Variants in MSL1 observed in about 807,000 individuals in gnomAD.
MSL1 encodes the protein MSL complex subunit 1, also known as male-specific lethal 1 homolog.
In MSL1, 21 loss-of-function variants were observed where a neutral mutation model predicts 64.6. The ratio of observed to expected loss-of-function variants is 0.33; its 90% CI spans 0.23 to 0.47. The LOEUF (loss-of-function observed/expected upper bound fraction) is 0.47, where lower values mean the gene tolerates loss of function less well. MSL1 is among the 20% of genes least tolerant of loss of function. The probability of loss-of-function intolerance (pLI) is 1.00; values close to 1 mark genes in which losing one functional copy is unlikely to be tolerated. For missense variants in MSL1, 664 were observed against 793.2 expected, an observed-to-expected ratio of 0.84 and a Z score of 1.96; for synonymous variants, 339 against 329.6, an observed-to-expected ratio of 1.03 and a Z score of -0.31.
Position 40,133,896 on chromosome 17 carries a change from C to T in MSL1, c.1751C>T (p.Pro584Leu). 6.2e-7 allele frequency: 1 copy of T among 1,613,194 alleles called. No individual in the cohort carries two copies. The highest frequency in any genetic ancestry group is 1.1e-5 in the South Asian group (1 of 91,080). ...GGACGACCATTACCAAAATTAACTC[C>T]ACAGTAAGTATACATTTTTTTTCTC... ...AFGRPLPKLT[P>L]QNFELPWLDE... Residue 584 changes from proline (P) to leucine (L), a missense_variant, in exon 8 of 9, where the codon CCA becomes CTA. Pro to Leu is a moderately conservative substitution (Grantham distance 98). Transcript: ENST00000398532.
chr17:40,129,467 G>A lies in MSL1; in HGVS notation c.1215G>A (p.Lys405=). 6.2e-7 allele frequency: 1 copy of A among 1,613,686 alleles called. No homozygotes were observed. Among genetic ancestry groups the A allele is most frequent in the Middle Eastern group, 1.6e-4 (1 of 6,062 alleles). ...DTPPRLSTPQ[K]GPSTHPKEKA... ...CACCAAGACTCTCCACTCCCCAAAAGGGACCCAGCACCCATCCCAAGGAGA... is the reference window on the plus strand; with the variant it reads ...CACCAAGACTCTCCACTCCCCAAAAAGGACCCAGCACCCATCCCAAGGAGA... The change falls in exon 3 of 9, where the codon AAG becomes AAA. Residue 405 remains lysine (K), a synonymous_variant. Coordinates refer to ENST00000398532, the MANE Select transcript of MSL1 (RefSeq NM_001365919.1).
At position 40,134,280 on chromosome 17, in the gene MSL1, A is replaced by C; in HGVS notation, c.1756A>C (p.Asn586His). 1 of 1,553,272 alleles carries C rather than the reference A, an allele frequency of 6.4e-7. No individual in the cohort carries two copies. The highest frequency in any genetic ancestry group is 8.7e-7 in the Non-Finnish European group (1 of 1,148,088). Residue 586 changes from asparagine (N) to histidine (H), a missense_variant and splice_region_variant, in exon 9 of 9, where the codon AAT (asparagine) becomes CAT (histidine). Physicochemically the swap from Asn to His is moderately conservative, Grantham distance 68. Around this residue, in one of 4 missense-constraint regions of MSL1, gnomAD observed 76 missense variants for 98.5 expected, o/e 0.77. Transcript: ENST00000398532. ...GRPLPKLTPQNFELPWLDERS... is the reference protein window; with the variant it reads ...GRPLPKLTPQHFELPWLDERS... ...GATTTCCTCATCCTTTTTTGCCAGG[A>C]ATTTTGAGCTACCCTGGTTGGATGA...
rs1429968042 is a variant in MSL1 at position 40,131,250 on chromosome 17, A to G, written c.1376-287A>G. 1 of 305,262 alleles carries G rather than the reference A, an allele frequency of 3.3e-6. No homozygotes were observed. The highest frequency in any genetic ancestry group is 6.2e-6 in the Non-Finnish European group (1 of 160,886). The allele number at this position is 305,262 out of a possible 1,614,324, so 18.9% of individuals were successfully genotyped here. A position where few individuals can be genotyped will look rare whatever the true frequency, so the allele number is the denominator to read the frequency against. On this transcript the variant is annotated intron_variant, in intron 3 of 8. Coordinates refer to ENST00000398532, the MANE Select transcript of MSL1 (RefSeq NM_001365919.1). The surrounding 1 kb of genome is among the most constrained non-coding windows in gnomAD (Gnocchi z 4.5). ...ACTTTTACTCACCTGCCATGTTCTGAGTTTAAGGTTTGATATCCTTGGCCA... is the reference window on the plus strand; with the variant it reads ...ACTTTTACTCACCTGCCATGTTCTGGGTTTAAGGTTTGATATCCTTGGCCA...
At position 40,123,190 on chromosome 17, in the gene MSL1, C is replaced by T; in HGVS notation, c.578C>T (p.Ala193Val). The change falls in exon 1 of 9, where the codon GCG becomes GTG. Residue 193 changes from alanine (A) to valine (V), a missense_variant. This residue lies in a region of MSL1 where 466 missense variants were observed against 499.0 expected (regional missense o/e 0.93). Transcript: ENST00000398532. ...CCCACCGCCACCGCCGGGACCCTGG[C>T]GGCCAGCGAGGGCAGATGGAAGAGT... is the stretch of plus-strand genomic sequence containing the variant. ...LAPTATAGTLAASEGRWKSMR... is the reference protein window; with the variant it reads ...LAPTATAGTLVASEGRWKSMR... 1.3e-6 allele frequency: 2 copies of T among 1,535,352 alleles called. No individual in the cohort carries two copies. Among genetic ancestry groups the T allele is most frequent in the South Asian group, 1.2e-5 (1 of 84,056 alleles).
intron 2 of MSL1, 62 bp downstream of exon 2, chr17:40,126,468 G>A: frequency 3.4e-6 from 5 of 1,459,734 alleles, no homozygotes; most frequent in Non-Finnish European, 4.8e-6. Flanking sequence ...TAGGAGATTG[G>A]GATTTATGAA....
At chr17:40,128,133 T>G (rs77167910) in intron 2 of MSL1, among the ~76,000 whole-genome samples, 4,921 of 151,744 alleles carry the variant, frequency 0.032, 269 homozygotes, top group African/African-American at 0.11. Context: ...GTATTAAAAT[T>G]TAGGTTGGTA....
In MSL1 at chr17:40,123,392, G is replaced by T. The variant is rs1414761191; in HGVS notation, c.768+12G>T. The T allele has an allele frequency of 6.5e-7, 1 of 1,535,034 alleles. No individual in the cohort carries two copies. Among genetic ancestry groups the T allele is most frequent in the East Asian group, 2.4e-5 (1 of 40,904 alleles). ...CAGAGAGAGACACGGTACGGGAGGG[G>T]TTAATCTGCATTCGGGCCGAGGAGC... On this transcript the variant is annotated intron_variant, in intron 1 of 8. Transcript: ENST00000398532.
intron 2 of MSL1, among the ~76,000 whole-genome samples, chr17:40,127,052 A>T (rs1988333815): frequency 6.6e-6 from 1 of 151,910 alleles, no homozygotes; most frequent in Admixed American, 6.6e-5. Flanking sequence ...AAAGTAAAAT[A>T]CAGGCCAGGC....
At position 40,131,560 on chromosome 17, in the gene MSL1, G is replaced by C. The variant is rs1186773516; in HGVS notation, c.1399G>C (p.Ala467Pro). ...VARCLMPSSV[A>P]GETSVLAVPS... ...AGGGTGTCTGATGCCATCAAGTGTT[G>C]CAGGAGAAACTTCAGTCTTGGCTGG... is the stretch of plus-strand genomic sequence containing the variant. Residue 467 changes from alanine (A) to proline (P), a missense_variant, in exon 4 of 9, where the codon GCA becomes CCA. Transcript: ENST00000398532. This position sits in a 1 kb window ranked among gnomAD's most constrained non-coding sequence, Gnocchi z 4.5. 6.2e-6 allele frequency: 10 copies of C among 1,613,674 alleles called. No individual in the cohort carries two copies. In the East Asian group the frequency reaches 2.2e-4, roughly 36 times the overall value.
intron 1 of MSL1, among the ~76,000 whole-genome samples, chr17:40,125,148 A>G (rs1292886605): frequency 6.6e-6 from 1 of 152,228 alleles, no homozygotes; most frequent in East Asian, 1.9e-4. Flanking sequence ...AAAGTTTTCA[A>G]TACTAATAGA....
intron 1 of MSL1, among the ~76,000 whole-genome samples, chr17:40,125,932 A>C (rs1344562761): frequency 1.3e-5 from 2 of 152,238 alleles, no homozygotes; most frequent in Non-Finnish European, 2.9e-5. Context: ...ATCTCCCTAC[A>C]GAAGAATGAA....
At position 40,122,267 on chromosome 17, in the gene MSL1, C is replaced by A. The variant is rs1192559282; in HGVS notation, c.-346C>A. 2 of 120,876 alleles carry A rather than the reference C, an allele frequency of 1.7e-5. No homozygotes were observed. Among genetic ancestry groups the A allele is most frequent in the South Asian group, 2.5e-4 (1 of 4,002 alleles). The allele number at this position is 120,876 out of a possible 1,614,324, so 7.5% of individuals were successfully genotyped here. On this transcript the variant is annotated 5_prime_UTR_variant, in exon 1 of 9. Coordinates refer to ENST00000398532, the MANE Select transcript of MSL1 (RefSeq NM_001365919.1). The surrounding 1 kb of genome is among the most constrained non-coding windows in gnomAD (Gnocchi z 4.2). Reference sequence around the variant, plus strand: ...GGGGGTGCGGGGTGGGGAGACGAGGCGGGCCCGGCCGGGCCAGGGGGGGCC... The same window carrying A: ...GGGGGTGCGGGGTGGGGAGACGAGGAGGGCCCGGCCGGGCCAGGGGGGGCC...
intron 1 of MSL1, 28 bp downstream of exon 1, chr17:40,123,408 G>C (rs1305929190): frequency 6.5e-7 from 1 of 1,531,454 alleles, no homozygotes; most frequent in Non-Finnish European, 8.7e-7. Flanking sequence ...CTGCATTCGG[G>C]CCGAGGAGCG....
At chr17:40,127,237 T>C (rs1007830799) in intron 2 of MSL1, among the ~76,000 whole-genome samples, 1 of 150,604 alleles carries the variant, frequency 6.6e-6, no homozygotes, top group Non-Finnish European at 1.5e-5. Flanking sequence ...CCTGGAGGTA[T>C]GCACCTGTAG....
Position 40,134,484 on chromosome 17 carries a change from C to A in MSL1, c.*115C>A. On this transcript the variant is annotated 3_prime_UTR_variant, in exon 9 of 9. Transcript: ENST00000398532. ...ATATGTTATCACTCGCTGATAATAC[C>A]CTTTCATACTTCCTTGACTTTGTTT... 1.3e-6 allele frequency: 1 copy of A among 788,896 alleles called. No individual in the cohort carries two copies. Among genetic ancestry groups the A allele is most frequent in the South Asian group, 1.7e-5 (1 of 59,064 alleles). The allele number at this position is 788,896 out of a possible 1,614,324, so 48.9% of individuals were successfully genotyped here.
rs1465552250 is a variant in MSL1 at position 40,135,437 on chromosome 17, T to G, written c.*1068T>G. ...AGGCCACTTTGGTCTCAGTGTAAGA[T>G]CCCTATTAACTATCTGAAAGGAAAA... On this transcript the variant is annotated 3_prime_UTR_variant, in exon 9 of 9. Transcript: ENST00000398532. 1 of 152,316 alleles carries G rather than the reference T, an allele frequency of 6.6e-6. No homozygotes were observed. The highest frequency in any genetic ancestry group is 6.6e-5 in the Admixed American group (1 of 15,264). The allele number at this position is 152,316 out of a possible 1,614,324, so 9.4% of individuals were successfully genotyped here.
rs1988510093 is a variant in MSL1 at position 40,134,850 on chromosome 17, G to A, written c.*481G>A. ...CTCACCATGAGCTTTAGGACCAGAA[G>A]AGGAATGACAAGTGAAGCGATGAAG... On this transcript the variant is annotated 3_prime_UTR_variant, in exon 9 of 9. Transcript: ENST00000398532. 1 of 154,430 alleles carries A rather than the reference G, an allele frequency of 6.5e-6. No homozygotes were observed. Among genetic ancestry groups the A allele is most frequent in the Non-Finnish European group, 1.4e-5 (1 of 69,384 alleles). 9.6% of individuals were successfully genotyped at this position (154,430 alleles called of 1,614,324 possible).
chr17:40,122,993 C>G lies in MSL1; in HGVS notation c.381C>G (p.Pro127=), dbSNP rs966243825. 6.5e-7 allele frequency: 1 copy of G among 1,529,244 alleles called. No homozygotes were observed. 94.7% of individuals were successfully genotyped at this position (1,529,244 alleles called of 1,614,324 possible). The change falls in exon 1 of 9, where the codon CCC becomes CCG. Residue 127 remains proline, a synonymous_variant. Coordinates refer to ENST00000398532, the MANE Select transcript of MSL1 (RefSeq NM_001365919.1). The surrounding 1 kb of genome is among the most constrained non-coding windows in gnomAD (Gnocchi z 4.2). ...CCGCAGCCGGAGCCGGCTGCAGCCC[C>G]CGGCCCAAGTATCAGGCGGTGCTGC... is the stretch of plus-strand genomic sequence containing the variant. The part of the protein sequence containing the change: ...EPAAAGAGCS[P]RPKYQAVLPI...
At chr17:40,132,803 G>C (rs1988466652) in intron 5 of MSL1, among the ~76,000 whole-genome samples, 1 of 152,160 alleles carries the variant, frequency 6.6e-6, no homozygotes, top group African/African-American at 2.4e-5. Context: ...GTTTACCTTG[G>C]AAAGATATGG....
Sources: allele counts gnomAD v4.1 joint callset (sites outside exome capture counted in the v4.1 genomes callset), GRCh38; gene constraint gnomAD v4.1.1; regional missense constraint gnomAD v4.1.1; non-coding constraint Gnocchi (gnomAD v3.1); transcripts MANE v1.5; gene names NCBI Gene and HGNC (gene_info 2026-07-23, HGNC 2026-07-21).